ARID2: variants seen among roughly 807,000 people sequenced by gnomAD.
ARID2 encodes AT-rich interaction domain 2.
A neutral mutation model predicts 184.6 loss-of-function variants in ARID2; 32 were observed. The ratio of observed to expected loss-of-function variants is 0.17; its 90% CI spans 0.13 to 0.23. The LOEUF (loss-of-function observed/expected upper bound fraction) is 0.23, where lower values mean the gene tolerates loss of function less well. Among genes scored for constraint, ARID2 ranks in the 10% least tolerant of loss-of-function variants. The probability of loss-of-function intolerance (pLI) is 1.00; values close to 1 mark genes in which losing one functional copy is unlikely to be tolerated. For synonymous variants in ARID2, 836 were observed against 772.6 expected, an observed-to-expected ratio of 1.08 and a Z score of -1.36; for missense variants, 1,696 against 2,197.6, an observed-to-expected ratio of 0.77 and a Z score of 4.56.
chr12:45,889,893 G>T (rs891821322), intron 16 of ARID2, among the ~76,000 whole-genome samples: 1 of 152,204 alleles, frequency 6.6e-6, no homozygotes, highest in African/African-American at 2.4e-5. Context: ...AGTCGAGATC[G>T]CACCATTGCT....
chr12:45,780,775 C>G (rs775237496), intron 3 of ARID2, among the ~76,000 whole-genome samples: 3 of 151,984 alleles, frequency 2.0e-5, no homozygotes, highest in Admixed American at 6.6e-5. Context: ...CCTGCCACCA[C>G]GCCTGGCTAA....
intron 3 of ARID2, among the ~76,000 whole-genome samples, chr12:45,740,211 A>G (rs921300371): frequency 1.3e-5 from 2 of 152,162 alleles, no homozygotes; most frequent in African/African-American, 2.4e-5. Context: ...TAGTAAAAAT[A>G]TATGTGATTT....
chr12:45,871,814 C>G (rs536677588), intron 16 of ARID2, among the ~76,000 whole-genome samples: 1 of 152,232 alleles, frequency 6.6e-6, no homozygotes, highest in East Asian at 1.9e-4. Flanking sequence ...TTCAGATTAT[C>G]TGTTGCTCCT....
chr12:45,839,553 C>A (rs1173184316), intron 11 of ARID2, 57 bp downstream of exon 11: 1 of 1,538,204 alleles, frequency 6.5e-7, no homozygotes, highest in South Asian at 1.3e-5. Context: ...AGATTTGATC[C>A]TAAGAATAAA....
intron 3 of ARID2, among the ~76,000 whole-genome samples, chr12:45,744,355 T>A (rs899591434): frequency 2.0e-5 from 3 of 152,216 alleles, no homozygotes; most frequent in African/African-American, 7.2e-5. Flanking sequence ...ATTTAGTGAT[T>A]TTTTTGTGTT....
intron 3 of ARID2, among the ~76,000 whole-genome samples, chr12:45,803,700 A>G (rs548825003): frequency 2.6e-5 from 4 of 152,274 alleles, no homozygotes; most frequent in South Asian, 2.1e-4. Flanking sequence ...ATGGTTGACA[A>G]TAGGTTCAGG....
intron 3 of ARID2, among the ~76,000 whole-genome samples, chr12:45,770,416 A>G (rs1941852254): frequency 6.6e-6 from 1 of 152,062 alleles, no homozygotes; most frequent in South Asian, 2.1e-4. Flanking sequence ...TACTTGTCCC[A>G]CCTGGGCTAA....
chr12:45,846,842 A>G lies in ARID2; in HGVS notation c.1499-14A>G. On this transcript the variant is annotated splice_polypyrimidine_tract_variant and intron_variant, in intron 11 of 20. Transcript: ENST00000334344. ...TTTTAAGAAATGATGTAGCTAATGT[A>G]TTTTTTTCTTTAGCTTCCAGAGCAG... 9 of 1,611,492 alleles carry G rather than the reference A, an allele frequency of 5.6e-6. No individual in the cohort carries two copies. Among genetic ancestry groups the G allele is most frequent in the Non-Finnish European group, 6.8e-6 (8 of 1,178,506 alleles).
At chr12:45,788,728 A>G (rs1373510244) in intron 3 of ARID2, among the ~76,000 whole-genome samples, 1 of 152,160 alleles carries the variant, frequency 6.6e-6, no homozygotes, top group Non-Finnish European at 1.5e-5. Context: ...TGGAATTCTG[A>G]ATTCTGAAAA....
intron 3 of ARID2, among the ~76,000 whole-genome samples, chr12:45,762,353 C>T (rs551460431): frequency 5.3e-5 from 8 of 152,280 alleles, no homozygotes; most frequent in Non-Finnish European, 7.4e-5. Context: ...GACACTTGTC[C>T]GTAGGCACTG....
At chr12:45,757,940 T>A (rs1039320560) in intron 3 of ARID2, among the ~76,000 whole-genome samples, 11 of 152,218 alleles carry the variant, frequency 7.2e-5, no homozygotes, top group African/African-American at 2.7e-4. Flanking sequence ...TCTCTAAATA[T>A]TTGCTGTCCA....
At chr12:45,835,911 AC>A (rs1249721008) in intron 6 of ARID2, among the ~76,000 whole-genome samples, 1 of 151,846 alleles carries the variant, frequency 6.6e-6, no homozygotes, top group Non-Finnish European at 1.5e-5. Flanking sequence ...AAAAAAAAAA[AC>A]AAAAACAAAA....
At chr12:45,805,893 G>A (rs1942591053) in intron 3 of ARID2, among the ~76,000 whole-genome samples, 1 of 152,058 alleles carries the variant, frequency 6.6e-6, no homozygotes, top group Admixed American at 6.6e-5. Context: ...TGTACCCATT[G>A]ACCAGCATCT....
At chr12:45,856,659 A>T (rs1031092223) in intron 15 of ARID2, among the ~76,000 whole-genome samples, 14 of 152,148 alleles carry the variant, frequency 9.2e-5, no homozygotes, top group African/African-American at 3.1e-4. Context: ...TGCCATTGTA[A>T]TTCATTTTTT....
At chr12:45,734,348 G>A (rs1436932303) in intron 3 of ARID2, among the ~76,000 whole-genome samples, 3 of 152,052 alleles carry the variant, frequency 2.0e-5, no homozygotes, top group African/African-American at 7.2e-5. Flanking sequence ...TAGTCTGGCC[G>A]ACAGAGTGAG....
Position 45,893,464 on chromosome 12 carries a change from A to T in ARID2, c.5192A>T (p.Lys1731Met), listed in dbSNP as rs1944330106. Residue 1731 changes from lysine (K) to methionine (M), a missense_variant, in exon 19 of 21, where the codon AAG becomes ATG. Lys to Met is a moderately conservative substitution (Grantham distance 95). Transcript: ENST00000334344. The part of the protein sequence containing the change: ...GGTSSTPRAQ[K>M]AIVNHPSAAL... ...ACAAGCTCAACTCCTAGAGCACAAAAGGCCATTGTGAATCATCCCAGTGCT... is the reference window on the plus strand; with the variant it reads ...ACAAGCTCAACTCCTAGAGCACAAATGGCCATTGTGAATCATCCCAGTGCT... 2 of 1,614,046 alleles carry T rather than the reference A, an allele frequency of 1.2e-6. No individual in the cohort carries two copies. The highest frequency in any genetic ancestry group is 1.7e-6 in the Non-Finnish European group (2 of 1,179,970).
At chr12:45,748,520 G>C (rs927810900) in intron 3 of ARID2, among the ~76,000 whole-genome samples, 2 of 150,158 alleles carry the variant, frequency 1.3e-5, no homozygotes, top group Non-Finnish European at 3.0e-5. Flanking sequence ...TGACTGATCA[G>C]GGTGGTGGTT....
chr12:45,791,628 C>A (rs1269082811), intron 3 of ARID2, among the ~76,000 whole-genome samples: 4 of 152,094 alleles, frequency 2.6e-5, no homozygotes, highest in African/African-American at 9.7e-5. Flanking sequence ...GGGTCTCATT[C>A]TGTCATCTAG....
chr12:45,786,435 C>T (rs937094265), intron 3 of ARID2, among the ~76,000 whole-genome samples: 3 of 152,184 alleles, frequency 2.0e-5, no homozygotes, highest in African/African-American at 7.2e-5. Flanking sequence ...AAAGCTATCA[C>T]TGTAAATGTG....
Sources: gnomAD v4.1 joint callset for allele counts (sites outside exome capture counted in the v4.1 genomes callset) on GRCh38, gnomAD v4.1.1 for gene constraint, MANE v1.5 for transcripts, NCBI Gene and HGNC (gene_info 2026-07-23, HGNC 2026-07-21) for gene names.